The following ROR1 variants were observed in gnomAD, a reference collection of about 807,000 sequenced individuals.
The protein encoded by ROR1 is ROR family WNT receptor 1.
In ROR1, 19 loss-of-function variants were observed where a neutral mutation model predicts 78.8. That is an observed-to-expected ratio of 0.24 (90% confidence interval 0.17 to 0.35). ROR1 has a LOEUF of 0.35. Among genes scored for constraint, ROR1 ranks in the 10% least tolerant of loss-of-function variants. ROR1 has a pLI of 1.00. For missense variants in ROR1, 917 were observed against 1,177.8 expected (o/e 0.78, Z 3.24); for synonymous variants, 386 against 433.6 (o/e 0.89, Z 1.36).
At chr1:63,947,591 C>T (rs1364860370) in intron 1 of ROR1, among the ~76,000 whole-genome samples, 1 of 152,110 alleles carries the variant, frequency 6.6e-6, no homozygotes, top group Non-Finnish European at 1.5e-5. Flanking sequence ...TCCCCATCAA[C>T]CAAGAGGGCT....
intron 1 of ROR1, chr1:63,788,784 T>C (rs1644707189): frequency 3.5e-6 from 2 of 577,490 alleles, no homozygotes. Flanking sequence ...GGAGGCACTC[T>C]TTATGGCGCT....
At chr1:63,912,597 G>C (rs1645579940) in intron 1 of ROR1, among the ~76,000 whole-genome samples, 1 of 152,208 alleles carries the variant, frequency 6.6e-6, no homozygotes, top group African/African-American at 2.4e-5. Context: ...TGTTGGCTGT[G>C]ACTGGCATCT....
intron 1 of ROR1, among the ~76,000 whole-genome samples, chr1:63,793,772 A>G (rs1406647023): frequency 6.6e-6 from 1 of 152,218 alleles, no homozygotes; most frequent in African/African-American, 2.4e-5. Flanking sequence ...TAGCTGGCAC[A>G]TCTGGTGCCT....
At chr1:63,927,324 G>A (rs1278986090) in intron 1 of ROR1, among the ~76,000 whole-genome samples, 26 of 128,386 alleles carry the variant, frequency 2.0e-4, no homozygotes, top group Admixed American at 9.3e-4. Flanking sequence ...ATTGATTTGC[G>A]TATATTGAAC....
chr1:63,961,961 A>G (rs576612660), intron 1 of ROR1, among the ~76,000 whole-genome samples: 7 of 152,324 alleles, frequency 4.6e-5, no homozygotes, highest in African/African-American at 1.7e-4. Context: ...TCTCATAAAT[A>G]TGTACAATTA....
intron 1 of ROR1, among the ~76,000 whole-genome samples, chr1:64,005,541 A>T (rs1646420623): frequency 6.6e-6 from 1 of 152,132 alleles, no homozygotes; most frequent in Non-Finnish European, 1.5e-5. Context: ...GCCAGTGGTG[A>T]GGCGAATAGG....
At chr1:63,966,509 A>G (rs1250186647) in intron 1 of ROR1, among the ~76,000 whole-genome samples, 1 of 152,194 alleles carries the variant, frequency 6.6e-6, no homozygotes, top group African/African-American at 2.4e-5. Context: ...TGGAAACTAC[A>G]AAGTGTTACC....
At chr1:64,139,336 G>A (rs1569841253) in intron 5 of ROR1, among the ~76,000 whole-genome samples, 9 of 151,994 alleles carry the variant, frequency 5.9e-5, no homozygotes, top group East Asian at 1.9e-4. Context: ...TTGTTGGCTT[G>A]TTTCTCAAGC....
At chr1:63,829,538 G>A (rs755696400) in intron 1 of ROR1, among the ~76,000 whole-genome samples, 2 of 152,172 alleles carry the variant, frequency 1.3e-5, no homozygotes, top group Admixed American at 1.3e-4. Context: ...TTCAACAGGC[G>A]AAGGGAGTGT....
intron 2 of ROR1, among the ~76,000 whole-genome samples, chr1:64,047,977 A>G (rs111541306): frequency 0.019 from 2,883 of 152,330 alleles, 44 homozygotes; most frequent in Non-Finnish European, 0.029. Flanking sequence ...AATGCCATTC[A>G]TATGTGAGAC....
chr1:64,050,884 A>G (rs964079250), intron 4 of ROR1, among the ~76,000 whole-genome samples, 168 bp downstream of exon 4: 2 of 152,162 alleles, frequency 1.3e-5, no homozygotes, highest in Admixed American at 1.3e-4. Context: ...AAAGATTCAC[A>G]GGAGACCACC....
At position 63,990,341 on chromosome 1, in the gene ROR1, G is replaced by A. The variant is rs550120844; in HGVS notation, c.92-18964G>A. 6.6e-5 allele frequency among the ~76,000 whole-genome samples: 10 copies of A among 152,040 alleles called. 1 individual carries two copies. In the South Asian group the frequency reaches 8.3e-4, roughly 13 times the overall value. The stretch of plus-strand genomic sequence containing the variant: ...GTCTTCAGACATGAAAGTGTAGGGA[G>A]GGCTTCACTCCACCCCACCCTGTCC... On this transcript the variant is annotated intron_variant, in intron 1 of 8. Transcript: ENST00000371079.
intron 1 of ROR1, among the ~76,000 whole-genome samples, chr1:63,965,608 C>A (rs548782633): frequency 1.6e-4 from 24 of 152,050 alleles, no homozygotes; most frequent in South Asian, 6.2e-4. Context: ...CAGGGACTTG[C>A]GTAGTTGCAT....
chr1:63,841,022 C>T (rs972425910), intron 1 of ROR1, among the ~76,000 whole-genome samples: 1 of 152,126 alleles, frequency 6.6e-6, no homozygotes, highest in East Asian at 1.9e-4. Context: ...AGTGGTTTTT[C>T]TATGAGTATT....
intron 2 of ROR1, among the ~76,000 whole-genome samples, chr1:64,041,545 G>A (rs1027294181): frequency 6.6e-6 from 1 of 152,284 alleles, no homozygotes; most frequent in East Asian, 1.9e-4. Flanking sequence ...GAACTATAAA[G>A]GTGGCTGTCT....
intron 1 of ROR1, among the ~76,000 whole-genome samples, chr1:63,919,244 T>C (rs1000936205): frequency 6.6e-6 from 1 of 152,162 alleles, no homozygotes; most frequent in Non-Finnish European, 1.5e-5. Flanking sequence ...TTTGTTTTTC[T>C]AAAACTAATA....
At chr1:63,842,050 T>C (rs1426232198) in intron 1 of ROR1, among the ~76,000 whole-genome samples, 2 of 152,214 alleles carry the variant, frequency 1.3e-5, no homozygotes, top group Non-Finnish European at 2.9e-5. Flanking sequence ...GTGACACCAC[T>C]GTCTAAAGTA....
At chr1:64,056,399 G>T (rs1053364674) in intron 4 of ROR1, among the ~76,000 whole-genome samples, 1 of 151,594 alleles carries the variant, frequency 6.6e-6, no homozygotes, top group Non-Finnish European at 1.5e-5. Context: ...AGCCAGCCGG[G>T]CGCAGTGGTT....
intron 5 of ROR1, among the ~76,000 whole-genome samples, chr1:64,138,645 A>G (rs539598816): frequency 1.3e-5 from 2 of 150,954 alleles, no homozygotes; most frequent in Non-Finnish European, 1.5e-5. Flanking sequence ...TCCTAGGTTC[A>G]TGCCATTCTC....
Sources: gnomAD v4.1 joint callset for allele counts (sites outside exome capture counted in the v4.1 genomes callset) on GRCh38, gnomAD v4.1.1 for gene constraint, MANE v1.5 for transcripts, NCBI Gene and HGNC (gene_info 2026-07-23, HGNC 2026-07-21) for gene names.